RIMS2: variants seen among roughly 807,000 people sequenced by gnomAD.
RIMS2 encodes the protein regulating synaptic membrane exocytosis 2, also known as regulating synaptic membrane exocytosis protein 2.
In RIMS2, 59 loss-of-function variants were observed where a neutral mutation model predicts 174.4. That is an observed-to-expected ratio of 0.34 (90% CI 0.27 to 0.42). RIMS2 has a LOEUF of 0.42. RIMS2 is among the 10% of genes least tolerant of loss of function. RIMS2 has a pLI of 1.00. For synonymous variants in RIMS2, 606 were observed against 572.5 expected (o/e 1.06, Z -0.84); for missense variants, 1,620 against 1,666.3 (o/e 0.97, Z 0.48).
At chr8:104,163,712 A>C (rs925300961) in intron 19 of RIMS2, among the ~76,000 whole-genome samples, 2 of 152,188 alleles carry the variant, frequency 1.3e-5, no homozygotes, top group Non-Finnish European at 2.9e-5. Context: ...CTGACATAAG[A>C]ATGTAATTTC....
intron 19 of RIMS2, among the ~76,000 whole-genome samples, chr8:104,112,121 A>G (rs1174303108): frequency 6.6e-6 from 1 of 152,208 alleles, no homozygotes; most frequent in Non-Finnish European, 1.5e-5. Context: ...TTAATTTTAC[A>G]TATTACACAA....
intron 19 of RIMS2, among the ~76,000 whole-genome samples, chr8:104,118,371 T>TTTTTTTA (rs368286929): frequency 1.0e-5 from 1 of 98,894 alleles, no homozygotes; most frequent in African/African-American, 3.9e-5. Context: ...TGTTTTTTTG[T>TTTTTTTA]TTTTTTTTTT....
intron 3 of RIMS2, among the ~76,000 whole-genome samples, chr8:103,830,062 T>C (rs553199026): frequency 6.6e-6 from 1 of 152,298 alleles, no homozygotes; most frequent in African/African-American, 2.4e-5. Flanking sequence ...TATTATCTTG[T>C]TAATATCTAT....
intron 19 of RIMS2, among the ~76,000 whole-genome samples, chr8:104,021,408 G>A (rs1191691999): frequency 6.6e-6 from 1 of 151,902 alleles, no homozygotes; most frequent in South Asian, 2.1e-4. Context: ...CCTATTTCAC[G>A]AGCTCCATGA....
chr8:104,231,771 T>C (rs1404874977), intron 19 of RIMS2, among the ~76,000 whole-genome samples: 1 of 152,254 alleles, frequency 6.6e-6, no homozygotes, highest in Non-Finnish European at 1.5e-5. Context: ...TTTTTGCCTT[T>C]TTCTGAACCT....
At chr8:104,186,155 T>A (rs1224492672) in intron 19 of RIMS2, among the ~76,000 whole-genome samples, 1 of 151,768 alleles carries the variant, frequency 6.6e-6, no homozygotes, top group Non-Finnish European at 1.5e-5. Context: ...AAATACCACA[T>A]GTTCTCAGTT....
chr8:104,092,926 A>C (rs1420869152), intron 19 of RIMS2, among the ~76,000 whole-genome samples: 1 of 151,992 alleles, frequency 6.6e-6, no homozygotes, highest in Admixed American at 6.6e-5. Context: ...CAATTCCAGG[A>C]AGTTTGAACT....
intron 19 of RIMS2, among the ~76,000 whole-genome samples, chr8:104,240,717 A>G (rs371988962): frequency 2.6e-5 from 4 of 152,174 alleles, no homozygotes; most frequent in East Asian, 3.8e-4. Context: ...TTCATAAATG[A>G]GGAGCCAGAG....
At chr8:103,972,551 T>C (rs973328278) in intron 15 of RIMS2, among the ~76,000 whole-genome samples, 1 of 152,182 alleles carries the variant, frequency 6.6e-6, no homozygotes, top group Admixed American at 6.6e-5. Flanking sequence ...TACAAGCGTC[T>C]ACATAATCTT....
chr8:104,093,915 CCT>C (rs2130309808), intron 19 of RIMS2, among the ~76,000 whole-genome samples: 1 of 151,836 alleles, frequency 6.6e-6, no homozygotes, highest in East Asian at 1.9e-4. Context: ...AAAATTAAGA[CCT>C]CTTATATCTT....
At chr8:104,243,258 G>T (rs997381523) in intron 19 of RIMS2, among the ~76,000 whole-genome samples, 1 of 152,104 alleles carries the variant, frequency 6.6e-6, no homozygotes, top group African/African-American at 2.4e-5. Flanking sequence ...AAGCATTTTG[G>T]TGTACCTTAA....
At chr8:103,531,705 A>T (rs1031715757) in intron 1 of RIMS2, among the ~76,000 whole-genome samples, 1 of 152,254 alleles carries the variant, frequency 6.6e-6, no homozygotes, top group Non-Finnish European at 1.5e-5. Context: ...TTTTCATATG[A>T]ATTGGAATTT....
At chr8:103,635,756 C>T (rs1042160117) in intron 1 of RIMS2, among the ~76,000 whole-genome samples, 3 of 152,062 alleles carry the variant, frequency 2.0e-5, no homozygotes, top group Non-Finnish European at 4.4e-5. Context: ...CTGAGCTGTG[C>T]TGGGGTTCCA....
chr8:104,050,998 G>C (rs1247206159), intron 19 of RIMS2, among the ~76,000 whole-genome samples: 1 of 152,132 alleles, frequency 6.6e-6, no homozygotes, highest in African/African-American at 2.4e-5. Flanking sequence ...CACTTCAGGA[G>C]TCCAAGGCAG....
At chr8:104,085,922 A>G (rs866919823) in intron 19 of RIMS2, among the ~76,000 whole-genome samples, 28 of 152,280 alleles carry the variant, frequency 1.8e-4, no homozygotes, top group South Asian at 2.1e-4. Context: ...GCATCTGGAA[A>G]TACAGATCTG....
intron 3 of RIMS2, among the ~76,000 whole-genome samples, chr8:103,860,424 T>C (rs1309681209): frequency 2.0e-5 from 3 of 152,180 alleles, no homozygotes; most frequent in Non-Finnish European, 4.4e-5. Context: ...TAAATCACCG[T>C]GCATAGTATT....
At chr8:103,976,095 A>T (rs944052561) in intron 16 of RIMS2, 2 of 152,216 alleles carry the variant, frequency 1.3e-5, no homozygotes, top group Admixed American at 6.5e-5. Context: ...CATTCCATTC[A>T]AGTTGACACG....
At chr8:104,098,566 A>T (rs10104024) in intron 19 of RIMS2, among the ~76,000 whole-genome samples, 35,720 of 152,122 alleles carry the variant, frequency 0.23, 4,497 homozygotes, top group African/African-American at 0.33. Flanking sequence ...AGGCATATCT[A>T]TAAATGCTAT....
chr8:104,178,815 C>G (rs1487640761), intron 19 of RIMS2, among the ~76,000 whole-genome samples: 4 of 152,088 alleles, frequency 2.6e-5, no homozygotes, highest in Non-Finnish European at 5.9e-5. Flanking sequence ...ATCATGCATA[C>G]TTAAAACAGA....
Sources: allele counts gnomAD v4.1 joint callset (sites outside exome capture counted in the v4.1 genomes callset), GRCh38; gene constraint gnomAD v4.1.1; transcripts MANE v1.5; gene names NCBI Gene and HGNC (gene_info 2026-07-23, HGNC 2026-07-21).